CAST: variants seen among roughly 807,000 people sequenced by gnomAD.
The protein encoded by CAST is MIR583 host.
CAST carries 76 observed loss-of-function variants against 119.6 expected under a neutral mutation model. That is an observed-to-expected ratio of 0.64 (90% CI 0.53 to 0.77). The LOEUF (loss-of-function observed/expected upper bound fraction) is 0.77, where lower values mean the gene tolerates loss of function less well. Among genes scored for constraint, CAST ranks in the 30% least tolerant of loss-of-function variants. The probability of loss-of-function intolerance (pLI) is 0.00; values close to 1 mark genes in which losing one functional copy is unlikely to be tolerated. For missense variants in CAST, 953 were observed against 946.5 expected (o/e 1.01, Z -0.09); for synonymous variants, 319 against 331.6 (o/e 0.96, Z 0.41).
At chr5:95,996,846 T>G in the CAST span, among the ~76,000 whole-genome samples, 1 of 152,090 alleles carries the variant, frequency 6.6e-6, no homozygotes, top group Admixed American at 6.6e-5. Flanking sequence ...CACAGGATTA[T>G]ACCTGAACTC....
rs200295715 is a variant in CAST at position 96,628,854 on chromosome 5, G to C, written c.61-46685G>C. 2.0e-5 allele frequency among the ~76,000 whole-genome samples: 3 copies of C among 148,954 alleles called. No homozygotes were observed. The East Asian group carries it at 5.9e-4, about 29-fold the overall frequency. On this transcript the variant is annotated intron_variant, in intron 1 of 11. Coordinates refer to the CAST transcript ENST00000505143. ...CTTGTGCATATGGCTACTGAATAGA[G>C]GACATGAGGGGCGGGGGGTCATAAA...
chr5:96,072,850 A>G, the CAST span, among the ~76,000 whole-genome samples: 1 of 152,144 alleles, frequency 6.6e-6, no homozygotes, highest in East Asian at 1.9e-4. Flanking sequence ...ATATAATTTC[A>G]AGAGGTTCAA....
chr5:96,365,148 T>G, the CAST span, among the ~76,000 whole-genome samples: 1,715 of 152,340 alleles, frequency 0.011, 27 homozygotes, highest in African/African-American at 0.034. Flanking sequence ...GTGAGTTTCT[T>G]AATCCTGAGT....
At chr5:96,374,597 A>G in the CAST span, among the ~76,000 whole-genome samples, 4 of 152,188 alleles carry the variant, frequency 2.6e-5, no homozygotes, top group Non-Finnish European at 5.9e-5. Flanking sequence ...TCTGCTGAAC[A>G]TCTTTTGAAA....
At chr5:96,575,651 T>G (rs1441960397) in intron 1 of CAST, among the ~76,000 whole-genome samples, 1 of 151,922 alleles carries the variant, frequency 6.6e-6, no homozygotes, top group Non-Finnish European at 1.5e-5. Context: ...GTTTTTTGTT[T>G]TTTTTTTTTA....
the CAST span, among the ~76,000 whole-genome samples, chr5:96,515,282 AACAATATTGTTCCC>A: frequency 7.1e-6 from 1 of 141,732 alleles, no homozygotes; most frequent in African/African-American, 2.5e-5. Context: ...AATATTGGGG[AACAATATTGTTCCC>A]ACAATGTTTG....
the CAST span, among the ~76,000 whole-genome samples, chr5:96,000,834 T>A: frequency 6.6e-6 from 1 of 152,220 alleles, no homozygotes; most frequent in Non-Finnish European, 1.5e-5. Context: ...CAGATATTGA[T>A]GTTTGCTAAT....
chr5:96,250,594 A>C, the CAST span, among the ~76,000 whole-genome samples: 1 of 152,032 alleles, frequency 6.6e-6, no homozygotes, highest in Non-Finnish European at 1.5e-5. Context: ...GCTCAATCCT[A>C]ATGTAAGGAA....
intron 1 of CAST, among the ~76,000 whole-genome samples, chr5:96,627,659 A>G (rs1321024677): frequency 6.6e-6 from 1 of 152,256 alleles, no homozygotes; most frequent in Non-Finnish European, 1.5e-5. Flanking sequence ...GTTTACGGAA[A>G]GAAAGGTTTG....
chr5:96,747,299 C>A (rs1015733665), intron 17 of CAST, 46 bp from the exon 18 acceptor site: 4 of 1,317,282 alleles, frequency 3.0e-6, no homozygotes, highest in Non-Finnish European at 4.4e-6. Flanking sequence ...GACATGAAAG[C>A]AAAATTTTCT....
the CAST span, among the ~76,000 whole-genome samples, chr5:96,196,452 C>A: frequency 1.2e-4 from 18 of 152,198 alleles, no homozygotes; most frequent in African/African-American, 4.1e-4. Flanking sequence ...CACGTATGTT[C>A]TAATAAGGGG....
chr5:96,213,410 T>A, the CAST span: 2 of 152,184 alleles, frequency 1.3e-5, no homozygotes, highest in Non-Finnish European at 2.9e-5. Context: ...ATCCATATAA[T>A]TTACTTCTTT....
chr5:96,746,098 G>C (rs1243123846), intron 16 of CAST, among the ~76,000 whole-genome samples: 2 of 152,226 alleles, frequency 1.3e-5, no homozygotes, highest in African/African-American at 4.8e-5. Context: ...GGTCACAGCA[G>C]CTGGGAGCAG....
the CAST span, among the ~76,000 whole-genome samples, chr5:95,970,699 A>T: frequency 6.6e-6 from 1 of 152,370 alleles, no homozygotes; most frequent in African/African-American, 2.4e-5. Flanking sequence ...TAATGAATAG[A>T]AATGTGTTTA....
the CAST span, among the ~76,000 whole-genome samples, chr5:96,408,567 T>A: frequency 6.6e-6 from 1 of 152,206 alleles, no homozygotes; most frequent in African/African-American, 2.4e-5. Flanking sequence ...GATGAAGTAC[T>A]CCCACTACGA....
the CAST span, among the ~76,000 whole-genome samples, chr5:96,106,397 C>T: frequency 5.3e-5 from 8 of 152,122 alleles, no homozygotes; most frequent in Non-Finnish European, 8.8e-5. Context: ...GCTTTGAATG[C>T]GTCCCAGAGA....
the CAST span, among the ~76,000 whole-genome samples, chr5:96,235,644 G>A: frequency 1.3e-5 from 2 of 151,716 alleles, no homozygotes; most frequent in Non-Finnish European, 2.9e-5. Flanking sequence ...GGCTTTTTTT[G>A]TAGCTAATTA....
chr5:96,753,120 A>AG (rs35133248), intron 20 of CAST, among the ~76,000 whole-genome samples: 6,922 of 151,968 alleles, frequency 0.046, 194 homozygotes, highest in South Asian at 0.097. Context: ...CAGCCTCTTG[A>AG]GGAGATGGGA....
chr5:96,743,480 T>A, intron 16 of CAST: 1 of 1,143,564 alleles, frequency 8.7e-7, no homozygotes, highest in Non-Finnish European at 1.2e-6. Flanking sequence ...CCGCCCCACC[T>A]CCATCAGCTC....
Sources: allele counts gnomAD v4.1 joint callset (sites outside exome capture counted in the v4.1 genomes callset), GRCh38; gene constraint gnomAD v4.1.1; transcripts MANE v1.5; gene names NCBI Gene and HGNC (gene_info 2026-07-23, HGNC 2026-07-21).